PARD3B: variants seen among roughly 807,000 people sequenced by gnomAD.
PARD3B encodes par-3 family cell polarity regulator beta.
Under a neutral mutation model 130.2 loss-of-function variants are expected in PARD3B, and 103 were observed. That is an observed-to-expected ratio of 0.79 (90% CI 0.67 to 0.93). The LOEUF is 0.93. Among genes scored for constraint, PARD3B ranks in the 40% least tolerant of loss-of-function variants. The pLI is 0.00. For missense variants in PARD3B, 1,609 were observed against 1,499.2 expected (o/e 1.07, Z -1.21); for synonymous variants, 583 against 553.2 (o/e 1.05, Z -0.76).
chr2:205,205,838 T>C (rs1189531563), intron 15 of PARD3B, among the ~76,000 whole-genome samples: 3 of 152,182 alleles, frequency 2.0e-5, no homozygotes, highest in Non-Finnish European at 4.4e-5. Flanking sequence ...TGCTGCTGGA[T>C]TTGGTTTGCC....
chr2:205,117,940 C>CACACACACACACACACACAT (rs1559455500), intron 6 of PARD3B, among the ~76,000 whole-genome samples: 1 of 151,246 alleles, frequency 6.6e-6, no homozygotes, highest in Non-Finnish European at 1.5e-5. Context: ...CACACACATA[C>CACACACACACACACACACAT]ACACACACAT....
At chr2:205,049,066 A>G (rs915535511) in intron 4 of PARD3B, among the ~76,000 whole-genome samples, 1 of 152,160 alleles carries the variant, frequency 6.6e-6, no homozygotes, top group Non-Finnish European at 1.5e-5. Flanking sequence ...CAGAACTACA[A>G]TTTAGTTTTC....
chr2:205,400,913 A>G lies in PARD3B; in HGVS notation c.2631-100A>G, dbSNP rs547426932. On this transcript the variant is annotated intron_variant, in intron 18 of 22. Transcript: ENST00000406610. ...AAAATGATCTTGACTTACTTAGAAT[A>G]AAGAAGTATGACTTAATGAGCTCAT... is the stretch of plus-strand genomic sequence containing the variant. 4 of 776,474 alleles carry G rather than the reference A, an allele frequency of 5.2e-6. No homozygotes were observed. In the Admixed American group the frequency reaches 1.0e-4, roughly 19 times the overall value. 48.1% of individuals were successfully genotyped at this position (776,474 alleles called of 1,614,324 possible).
chr2:205,433,026 C>T (rs544377217), intron 19 of PARD3B, among the ~76,000 whole-genome samples: 87 of 152,232 alleles, frequency 5.7e-4, no homozygotes, highest in African/African-American at 1.8e-3. Context: ...GTTTTGGTTG[C>T]TTGAGAAGGG....
At position 205,460,493 on chromosome 2, in the gene PARD3B, C is replaced by T. The variant is rs375869228; in HGVS notation, c.3044+19821C>T. Among the ~76,000 whole-genome samples the T allele has an allele frequency of 2.0e-5, 3 of 152,140 alleles. No individual in the cohort carries two copies. The highest frequency in any genetic ancestry group is 3.9e-4 in the East Asian group (2 of 5,184). On this transcript the variant is annotated intron_variant, in intron 20 of 22. Coordinates refer to ENST00000406610, the MANE Select transcript of PARD3B (RefSeq NM_001302769.2). This position sits in a 1 kb window ranked among gnomAD's most constrained non-coding sequence, Gnocchi z 4.9. ...ATATGCCCAGCATTGAGGTACTTTA[C>T]ATGCAATATGATGTCTCTTGAGCAA...
At chr2:205,526,645 C>T (rs1367630407) in intron 21 of PARD3B, among the ~76,000 whole-genome samples, 1 of 152,108 alleles carries the variant, frequency 6.6e-6, no homozygotes. Context: ...ATACCACTAC[C>T]TTTTTTAGTT....
chr2:205,380,426 A>G (rs1174784445), intron 18 of PARD3B, among the ~76,000 whole-genome samples: 3 of 45,818 alleles, frequency 6.5e-5, no homozygotes, highest in African/African-American at 9.5e-5. Flanking sequence ...AAGAATATAT[A>G]TTATATATTA....
rs897452519 is a variant in PARD3B, at chr2:204,943,953, G to T, written c.223-21199G>T. On this transcript the variant is annotated intron_variant, in intron 2 of 22. Transcript: ENST00000406610. This position sits in a 1 kb window ranked among gnomAD's most constrained non-coding sequence, Gnocchi z 4.2. The stretch of plus-strand genomic sequence containing the variant: ...ATAAGTTAGTAAAAGTAGAAAAGGG[G>T]ACTAAACATTCAAAATTACATCACC... 2.0e-5 allele frequency among the ~76,000 whole-genome samples: 3 copies of T among 152,070 alleles called. No individual in the cohort carries two copies. Among genetic ancestry groups the T allele is most frequent in the African/African-American group, 7.2e-5 (3 of 41,424 alleles).
At chr2:205,368,499 G>A (rs191041818) in intron 18 of PARD3B, among the ~76,000 whole-genome samples, 13 of 152,126 alleles carry the variant, frequency 8.5e-5, no homozygotes, top group Admixed American at 7.9e-4. Flanking sequence ...GTGCGTGATG[G>A]TGCACACCTG....
chr2:205,003,449 A>T (rs1004722879), intron 3 of PARD3B, among the ~76,000 whole-genome samples: 2 of 152,108 alleles, frequency 1.3e-5, no homozygotes, highest in African/African-American at 4.8e-5. Context: ...CTCATGCCCT[A>T]CTACTTTTTC....
chr2:205,499,805 T>G, intron 20 of PARD3B, 91 bp from the exon 21 acceptor site: 1 of 1,306,534 alleles, frequency 7.7e-7, no homozygotes, highest in Non-Finnish European at 1.0e-6. Flanking sequence ...CTTCCAAATT[T>G]AGATGTCAAC....
chr2:205,335,532 G>T (rs1439395414), intron 18 of PARD3B, among the ~76,000 whole-genome samples: 2 of 152,122 alleles, frequency 1.3e-5, no homozygotes, highest in Non-Finnish European at 2.9e-5. Context: ...AGAGATATAT[G>T]TTTTAAACGT....
At chr2:204,577,061 G>A (rs949276978) in intron 1 of PARD3B, among the ~76,000 whole-genome samples, 5 of 152,122 alleles carry the variant, frequency 3.3e-5, no homozygotes, top group East Asian at 3.9e-4. Context: ...GTTGGGTTTC[G>A]TAAATTGATC....
At chr2:204,814,447 A>C (rs77602246) in intron 2 of PARD3B, among the ~76,000 whole-genome samples, 2,692 of 151,940 alleles carry the variant, frequency 0.018, 33 homozygotes, top group Middle Eastern at 0.058. Context: ...TAAAATGTAT[A>C]TATCATGTAT....
intron 2 of PARD3B, among the ~76,000 whole-genome samples, chr2:204,940,421 A>T (rs1032163994): frequency 6.6e-6 from 1 of 152,104 alleles, no homozygotes; most frequent in Non-Finnish European, 1.5e-5. Context: ...ATTGACAGGT[A>T]AGTGACTGTG....
In PARD3B at chr2:205,405,927, G is replaced by T. The variant is rs945983482; in HGVS notation, c.2741+4804G>T. Among the ~76,000 whole-genome samples, 1 of 152,198 alleles carries T rather than the reference G, an allele frequency of 6.6e-6. No individual in the cohort carries two copies. The highest frequency in any genetic ancestry group is 1.5e-5 in the Non-Finnish European group (1 of 68,026). ...CATGAGTCAACATGTGGATATGCCTGCCAAAAGCTTAATCTGGTCCTAAGC... is the reference window on the plus strand; with the variant it reads ...CATGAGTCAACATGTGGATATGCCTTCCAAAAGCTTAATCTGGTCCTAAGC... On this transcript the variant is annotated intron_variant, in intron 19 of 22. Coordinates refer to ENST00000406610, the MANE Select transcript of PARD3B (RefSeq NM_001302769.2). This position sits in a 1 kb window ranked among gnomAD's most constrained non-coding sequence, Gnocchi z 4.1.
At chr2:205,315,969 T>G (rs2042551061) in intron 18 of PARD3B, among the ~76,000 whole-genome samples, 1 of 152,200 alleles carries the variant, frequency 6.6e-6, no homozygotes, top group Non-Finnish European at 1.5e-5. Flanking sequence ...ATCTGTCTCG[T>G]GCCCTTAATG....
At chr2:205,331,162 A>G (rs1012599244) in intron 18 of PARD3B, among the ~76,000 whole-genome samples, 1 of 152,098 alleles carries the variant, frequency 6.6e-6, no homozygotes, top group Non-Finnish European at 1.5e-5. Flanking sequence ...ACAAGTTTAC[A>G]TACATGCAGG....
At chr2:205,413,174 TAAA>T (rs1033344299) in intron 19 of PARD3B, among the ~76,000 whole-genome samples, 8 of 152,196 alleles carry the variant, frequency 5.3e-5, no homozygotes, top group African/African-American at 1.9e-4. Flanking sequence ...AAAAAAAGGA[TAAA>T]AATATCTAGC....
Sources: gnomAD v4.1 joint callset for allele counts (sites outside exome capture counted in the v4.1 genomes callset) on GRCh38, gnomAD v4.1.1 for gene constraint, Gnocchi (gnomAD v3.1) non-coding constraint, MANE v1.5 for transcripts, NCBI Gene and HGNC (gene_info 2026-07-23, HGNC 2026-07-21) for gene names.